ADGRL2: variants seen among roughly 807,000 people sequenced by gnomAD.
ADGRL2 encodes the protein adhesion G protein-coupled receptor L2, also known as calcium-independent alpha-latrotoxin receptor 2.
A neutral mutation model predicts 157.4 loss-of-function variants in ADGRL2; 44 were observed. The ratio of observed to expected loss-of-function variants is 0.28; its 90% CI spans 0.22 to 0.36. ADGRL2 has a LOEUF of 0.36. Among genes scored for constraint, ADGRL2 ranks in the 10% least tolerant of loss-of-function variants. The probability of loss-of-function intolerance (pLI) is 1.00; values close to 1 mark genes in which losing one functional copy is unlikely to be tolerated. For missense variants in ADGRL2, 1,510 were observed against 1,768.9 expected (o/e 0.85, Z 2.63); for synonymous variants, 585 against 624.7 (o/e 0.94, Z 0.95).
chr1:81,344,682 A>AAAAAAAAAAAAAAAAAAAAAT (rs1557613386), intron 1 of ADGRL2, among the ~76,000 whole-genome samples: 2 of 147,120 alleles, frequency 1.4e-5, no homozygotes, highest in Non-Finnish European at 1.5e-5. Context: ...AAAAAAAAAA[A>AAAAAAAAAAAAAAAAAAAAAT]AAAAAAAAGC....
At chr1:81,576,632 G>A (rs921390509) in intron 2 of ADGRL2, among the ~76,000 whole-genome samples, 4 of 152,020 alleles carry the variant, frequency 2.6e-5, no homozygotes, top group Non-Finnish European at 2.9e-5. Context: ...TTAGTTCGGC[G>A]CACCCACATT....
Position 81,836,053 on chromosome 1 carries a change from A to G in ADGRL2, c.-100-832A>G, listed in dbSNP as rs557167980. Among the ~76,000 whole-genome samples, 7 of 152,216 alleles carry G rather than the reference A, an allele frequency of 4.6e-5. No homozygotes were observed. In the South Asian group the frequency reaches 1.5e-3, roughly 32 times the overall value. Reference sequence around the variant, plus strand: ...GATAATGTGCAAGAACTCAAAAGTTATCAGGAAAATTTTGTTTTCTAAATT... The same window carrying G: ...GATAATGTGCAAGAACTCAAAAGTTGTCAGGAAAATTTTGTTTTCTAAATT... On this transcript the variant is annotated intron_variant, in intron 1 of 23. Transcript: ENST00000686636.
Position 81,387,107 on chromosome 1 carries a change from T to C in ADGRL2, c.-301-57929T>C, listed in dbSNP as rs6700831. 3.8e-3 allele frequency among the ~76,000 whole-genome samples: 581 copies of C among 152,296 alleles called. 3 individuals are homozygous for C. The highest frequency in any genetic ancestry group is 0.013 in the African/African-American group (522 of 41,576). On this transcript the variant is annotated intron_variant, in intron 1 of 24. Coordinates refer to the ADGRL2 transcript ENST00000370721. Reference sequence around the variant, plus strand: ...AACGTTAGCTAGTATTGCTTTCTATTTGAGATCCTGCAGAAGTTACCTACT... The same window carrying C: ...AACGTTAGCTAGTATTGCTTTCTATCTGAGATCCTGCAGAAGTTACCTACT...
At chr1:81,353,250 G>T (rs1459230497) in intron 1 of ADGRL2, among the ~76,000 whole-genome samples, 1 of 152,166 alleles carries the variant, frequency 6.6e-6, no homozygotes, top group Non-Finnish European at 1.5e-5. Flanking sequence ...ATGAGAATCG[G>T]ATCCTTGCTT....
chr1:81,502,777 T>C, intron 2 of ADGRL2: 1 of 1,613,206 alleles, frequency 6.2e-7, no homozygotes, highest in Non-Finnish European at 8.5e-7. Context: ...GCGGCCCAGC[T>C]ACAGCTCCTC....
Position 81,682,665 on chromosome 1 carries a change from A to C in ADGRL2, c.-142-79146A>C, listed in dbSNP as rs867454189. Among the ~76,000 whole-genome samples, 6 of 152,286 alleles carry C rather than the reference A, an allele frequency of 3.9e-5. No individual in the cohort carries two copies. In the South Asian group the frequency reaches 1.2e-3, roughly 32 times the overall value. ...CAATTCAGTCTCTTGGAATGGATGG[A>C]ATGTGTGATAACGCTATATAGGAGT... On this transcript the variant is annotated intron_variant, in intron 3 of 24. Coordinates refer to the ADGRL2 transcript ENST00000370721.
At chr1:81,704,811 G>A (rs1052897890) in intron 1 of ADGRL2, among the ~76,000 whole-genome samples, 1 of 152,158 alleles carries the variant, frequency 6.6e-6, no homozygotes, top group Non-Finnish European at 1.5e-5. Context: ...GGGATTTGAA[G>A]ATAAACATAT....
intron 2 of ADGRL2, among the ~76,000 whole-genome samples, chr1:81,567,662 T>A (rs2080593558): frequency 6.6e-6 from 1 of 152,084 alleles, no homozygotes; most frequent in Admixed American, 6.6e-5. Flanking sequence ...ACTTGTCAAG[T>A]CCCCATTTGT....
At chr1:81,675,875 C>G (rs144086476) in intron 3 of ADGRL2, among the ~76,000 whole-genome samples, 2 of 151,988 alleles carry the variant, frequency 1.3e-5, no homozygotes, top group Non-Finnish European at 2.9e-5. Flanking sequence ...CCACTGTGCC[C>G]GGCAAATAAA....
At chr1:81,970,645 G>T in intron 16 of ADGRL2, 111 bp downstream of exon 16, 1 of 770,706 alleles carries the variant, frequency 1.3e-6, no homozygotes, top group Non-Finnish European at 2.1e-6. Context: ...AAGCTTTATT[G>T]GTAAGAGAAT....
chr1:81,793,905 T>G (rs1297011436), intron 2 of ADGRL2, among the ~76,000 whole-genome samples: 1 of 152,156 alleles, frequency 6.6e-6, no homozygotes, highest in African/African-American at 2.4e-5. Flanking sequence ...AATTTATTTT[T>G]AAATGATAAA....
intron 2 of ADGRL2, among the ~76,000 whole-genome samples, chr1:81,559,115 C>G (rs1397540758): frequency 6.6e-6 from 1 of 152,136 alleles, no homozygotes; most frequent in East Asian, 1.9e-4. Context: ...TATGCTAAGT[C>G]TAGCATGGTG....
intron 3 of ADGRL2, chr1:81,596,347 C>T (rs924901269): frequency 9.4e-6 from 5 of 530,128 alleles, no homozygotes; most frequent in Non-Finnish European, 1.8e-5. Flanking sequence ...GGCATTCGAA[C>T]TTGTCCTTTC....
intron 1 of ADGRL2, among the ~76,000 whole-genome samples, chr1:81,821,464 G>GT (rs1000216926): frequency 2.6e-4 from 40 of 151,696 alleles, no homozygotes; most frequent in African/African-American, 7.5e-4. Context: ...TGAAATGATA[G>GT]TTTTTCTTTG....
intron 2 of ADGRL2, among the ~76,000 whole-genome samples, chr1:81,524,011 G>C (rs1037781262): frequency 6.6e-6 from 1 of 151,744 alleles, no homozygotes; most frequent in Non-Finnish European, 1.5e-5. Flanking sequence ...GTTGCAGTGA[G>C]CCAAGATTGC....
intron 2 of ADGRL2, among the ~76,000 whole-genome samples, chr1:81,850,643 T>G (rs2092970332): frequency 6.6e-6 from 1 of 151,916 alleles, no homozygotes; most frequent in South Asian, 2.1e-4. Context: ...CTAGTAACCT[T>G]TAGGAGGCTT....
intron 2 of ADGRL2, among the ~76,000 whole-genome samples, chr1:81,893,319 T>TTTGTTTTTTTTTTTTTTTTTG (rs753014450): frequency 3.3e-4 from 49 of 150,272 alleles, no homozygotes; most frequent in Middle Eastern, 3.4e-3. Context: ...CAATCCTGTC[T>TTTGTTTTTTTTTTTTTTTTTG]TGTATTTTTC....
chr1:81,583,252 A>G (rs530402559), intron 3 of ADGRL2, among the ~76,000 whole-genome samples: 6 of 152,218 alleles, frequency 3.9e-5, no homozygotes, highest in Non-Finnish European at 8.8e-5. Flanking sequence ...TGTAGAAGTA[A>G]CAATATTTCT....
intron 3 of ADGRL2, among the ~76,000 whole-genome samples, chr1:81,601,886 G>T (rs533358423): frequency 1.3e-5 from 2 of 152,198 alleles, no homozygotes; most frequent in African/African-American, 4.8e-5. Flanking sequence ...GTATATATAG[G>T]GAGAAGAAAG....
Sources: allele counts gnomAD v4.1 joint callset (sites outside exome capture counted in the v4.1 genomes callset), GRCh38; gene constraint gnomAD v4.1.1; transcripts MANE v1.5; gene names NCBI Gene and HGNC (gene_info 2026-07-23, HGNC 2026-07-21).